The following ADGRF5 variants were observed in gnomAD, a reference collection of about 807,000 sequenced individuals.
ADGRF5 encodes G-protein coupled receptor 116.
A neutral mutation model predicts 132.3 loss-of-function variants in ADGRF5; 75 were observed. That is an observed-to-expected ratio of 0.57 (90% confidence interval 0.47 to 0.69). ADGRF5 has a LOEUF of 0.69. Among genes scored for constraint, ADGRF5 ranks in the 30% least tolerant of loss-of-function variants. The probability of loss-of-function intolerance (pLI) is 0.00; values close to 1 mark genes in which losing one functional copy is unlikely to be tolerated. For missense variants in ADGRF5, 1,516 were observed against 1,630.6 expected (o/e 0.93, Z 1.21); for synonymous variants, 629 against 597.6 (o/e 1.05, Z -0.77).
intron 1 of ADGRF5, among the ~76,000 whole-genome samples, chr6:46,948,475 A>AGTGTGTGTGTGT (rs3030417): frequency 1.4e-5 from 2 of 143,278 alleles, no homozygotes; most frequent in African/African-American, 2.6e-5. Context: ...TGCTCTAGTG[A>AGTGTGTGTGTGT]GTGTGTGTGT....
intron 2 of ADGRF5, chr6:46,905,200 C>G (rs1243684702): frequency 3.3e-5 from 5 of 152,244 alleles, no homozygotes; most frequent in African/African-American, 7.2e-5. Context: ...AGCCAGAGCT[C>G]TGCACTGACT....
intron 1 of ADGRF5, among the ~76,000 whole-genome samples, chr6:46,934,069 A>G (rs920445871): frequency 2.1e-4 from 32 of 152,180 alleles, no homozygotes; most frequent in Non-Finnish European, 4.4e-4. Flanking sequence ...GTGTGCACAT[A>G]CTTACGGCAC....
At chr6:46,878,426 CA>C in intron 9 of ADGRF5, 21 bp from the exon 10 acceptor site, 1 of 1,396,642 alleles carries the variant, frequency 7.2e-7, no homozygotes, top group South Asian at 1.2e-5. Context: ...TACACAAAAT[CA>C]TGTATTATTA....
chr6:46,863,891 G>A (rs1391741706), intron 14 of ADGRF5, among the ~76,000 whole-genome samples: 2 of 152,252 alleles, frequency 1.3e-5, no homozygotes, highest in Non-Finnish European at 2.9e-5. Flanking sequence ...AAGAAGAGGT[G>A]ACCTTTGCTG....
upstream of ADGRF5, among the ~76,000 whole-genome samples, chr6:46,924,649 T>C (rs1454474240): frequency 6.6e-6 from 1 of 152,160 alleles, no homozygotes; most frequent in Non-Finnish European, 1.5e-5. Context: ...TTACTTGATA[T>C]CTCCTTTCAG....
At chr6:46,897,823 C>T (rs547038874) in intron 3 of ADGRF5, among the ~76,000 whole-genome samples, 107 of 152,248 alleles carry the variant, frequency 7.0e-4, no homozygotes, top group African/African-American at 2.4e-3. Flanking sequence ...GGATTACAGG[C>T]GTGAGCCACC....
chr6:46,934,998 C>CTTTTT (rs56982002), intron 1 of ADGRF5, among the ~76,000 whole-genome samples: 28 of 86,686 alleles, frequency 3.2e-4, no homozygotes, highest in Admixed American at 4.5e-4. Context: ...GGTGATAGTT[C>CTTTTT]TTTTTTTTTT....
In ADGRF5 at chr6:46,950,891, G is replaced by A. The variant is rs574593730; in HGVS notation, c.-25+3843C>T. On this transcript the variant is annotated intron_variant, in intron 1 of 20. Transcript: ENST00000265417. ...TTACAACTTTGTGCACTAAGTATTA[G>A]TTCATATTTTCAGAAACAAAGACTT... Among the ~76,000 whole-genome samples the A allele has an allele frequency of 5.3e-5, 8 of 152,234 alleles. No homozygotes were observed. In the South Asian group the frequency reaches 1.4e-3, roughly 28 times the overall value.
Position 46,881,529 on chromosome 6 carries a change from G to A in ADGRF5, c.740C>T (p.Ala247Val). 6.2e-7 allele frequency: 1 copy of A among 1,613,024 alleles called. No individual in the cohort carries two copies. The highest frequency in any genetic ancestry group is 8.5e-7 in the Non-Finnish European group (1 of 1,178,976). The change falls in exon 8 of 21, where the codon GCC (alanine) becomes GTC (valine). Residue 247 changes from alanine to valine, a missense_variant. Transcript: ENST00000283296. Reference sequence around the variant, plus strand: ...GAGGCTCTGTACAACTTGTTCATTGGCTTTATGTATTAACTCAAGTGATGG... The same window carrying A: ...GAGGCTCTGTACAACTTGTTCATTGACTTTATGTATTAACTCAAGTGATGG... ...TPPSLELIHKANEQVVQSLNQ... is the reference protein window; with the variant it reads ...TPPSLELIHKVNEQVVQSLNQ...
Position 46,869,021 on chromosome 6 carries a change from C to T in ADGRF5, c.1483G>A (p.Asp495Asn). Reference sequence around the variant, plus strand: ...TAAACCTCATCATAGTTACTCACATCACTGATGCATTTTATAGAAAAGTTT... The same window carrying T: ...TAAACCTCATCATAGTTACTCACATTACTGATGCATTTTATAGAAAAGTTT... Reference protein sequence around the residue: ...GQNFSIKCISDVSNYDEVYWN... With the variant: ...GQNFSIKCISNVSNYDEVYWN... The change falls in exon 12 of 21, where the codon GAT becomes AAT. Residue 495 changes from aspartate to asparagine, a missense_variant. Coordinates refer to ENST00000283296, the MANE Select transcript of ADGRF5 (RefSeq NM_001098518.2). 6.2e-7 allele frequency: 1 copy of T among 1,613,612 alleles called. No individual in the cohort carries two copies. Among genetic ancestry groups the T allele is most frequent in the East Asian group, 2.2e-5 (1 of 44,884 alleles).
intron 8 of ADGRF5, 83 bp downstream of exon 8, chr6:46,881,372 A>G (rs1772440866): frequency 1.6e-6 from 2 of 1,229,496 alleles, no homozygotes; most frequent in Non-Finnish European, 2.4e-6. Context: ...CTAGCTTCCC[A>G]GAGGACATTG....
intron 1 of ADGRF5, among the ~76,000 whole-genome samples, chr6:46,953,074 G>C (rs1229453572): frequency 6.6e-6 from 1 of 152,194 alleles, no homozygotes; most frequent in Admixed American, 6.5e-5. Flanking sequence ...TAGTTGCAAA[G>C]TCAGATACTG....
chr6:46,870,541 A>G (rs1469304227), intron 11 of ADGRF5, among the ~76,000 whole-genome samples: 1 of 152,218 alleles, frequency 6.6e-6, no homozygotes, highest in African/African-American at 2.4e-5. Context: ...TCAAATGTTC[A>G]GACAGCCCAA....
chr6:46,889,294 G>A (rs1773390061), intron 3 of ADGRF5, among the ~76,000 whole-genome samples: 2 of 143,466 alleles, frequency 1.4e-5, no homozygotes, highest in Non-Finnish European at 3.0e-5. Context: ...AGTATATATA[G>A]TACAGTATAT....
At chr6:46,889,150 G>A (rs1009561692) in intron 3 of ADGRF5, among the ~76,000 whole-genome samples, 1 of 148,358 alleles carries the variant, frequency 6.7e-6, no homozygotes, top group Non-Finnish European at 1.5e-5. Flanking sequence ...ACATCAGGCA[G>A]GCTAATATAT....
At chr6:46,860,162 C>T (rs774111568) in intron 16 of ADGRF5, among the ~76,000 whole-genome samples, 1 of 152,162 alleles carries the variant, frequency 6.6e-6, no homozygotes, top group Non-Finnish European at 1.5e-5. Flanking sequence ...CTGGGCTCTG[C>T]ACTGTTTCCT....
Position 46,869,013 on chromosome 6 carries a change from A to G in ADGRF5, c.1491T>C (p.Ser497=). 1 of 1,613,142 alleles carries G rather than the reference A, an allele frequency of 6.2e-7. No individual in the cohort carries two copies. The highest frequency in any genetic ancestry group is 8.5e-7 in the Non-Finnish European group (1 of 1,179,094). Residue 497 remains serine (S), a synonymous_variant, in exon 12 of 21, where the codon AGT becomes AGC. Coordinates refer to ENST00000283296, the MANE Select transcript of ADGRF5 (RefSeq NM_001098518.2). ...NFSIKCISDV[S]NYDEVYWNTS... is the part of the protein sequence containing the mutation. ...TGTTCCAATAAACCTCATCATAGTT[A>G]CTCACATCACTGATGCATTTTATAG...
intron 14 of ADGRF5, among the ~76,000 whole-genome samples, chr6:46,864,293 G>A (rs185212827): frequency 2.0e-5 from 3 of 152,276 alleles, no homozygotes; most frequent in Admixed American, 6.5e-5. Flanking sequence ...ATGGCAAATT[G>A]ACTCAGTGGT....
chr6:46,947,161 A>C (rs1778328587), intron 1 of ADGRF5, among the ~76,000 whole-genome samples: 1 of 152,200 alleles, frequency 6.6e-6, no homozygotes, highest in African/African-American at 2.4e-5. Context: ...GTTGATTGAA[A>C]TACCTTTCAA....
Sources: gnomAD v4.1 joint callset for allele counts (sites outside exome capture counted in the v4.1 genomes callset) on GRCh38, gnomAD v4.1.1 for gene constraint, MANE v1.5 for transcripts, NCBI Gene and HGNC (gene_info 2026-07-23, HGNC 2026-07-21) for gene names.